The following TNIK variants were observed in gnomAD, a reference collection of about 807,000 sequenced individuals.
TNIK encodes TRAF2 and NCK-interacting protein kinase.
A neutral mutation model predicts 191.3 loss-of-function variants in TNIK; 49 were observed. The ratio of observed to expected loss-of-function variants is 0.26; its 90% CI spans 0.20 to 0.32. The LOEUF is 0.32. TNIK is among the 10% of genes least tolerant of loss of function. The probability of loss-of-function intolerance (pLI) is 1.00; values close to 1 mark genes in which losing one functional copy is unlikely to be tolerated. For missense variants in TNIK, 1,155 were observed against 1,702.3 expected (o/e 0.68, Z 5.66); for synonymous variants, 594 against 600.9 (o/e 0.99, Z 0.17).
intron 1 of TNIK, among the ~76,000 whole-genome samples, chr3:171,415,231 A>T (rs551001982): frequency 6.6e-6 from 1 of 152,132 alleles, no homozygotes; most frequent in African/African-American, 2.4e-5. Flanking sequence ...CTTATTAACA[A>T]CCCCAGACGC....
intron 28 of TNIK, among the ~76,000 whole-genome samples, chr3:171,075,451 T>A (rs1274988827): frequency 6.6e-6 from 1 of 152,160 alleles, no homozygotes; most frequent in Non-Finnish European, 1.5e-5. Flanking sequence ...TTCCAGGGTA[T>A]CCCTATTAGA....
chr3:171,426,865 G>A (rs1274176215), intron 1 of TNIK, among the ~76,000 whole-genome samples: 3 of 152,278 alleles, frequency 2.0e-5, no homozygotes, highest in East Asian at 1.9e-4. Flanking sequence ...TGAAGAGCGA[G>A]ATTCAGGTGT....
chr3:171,399,091 T>C (rs1720594770), intron 1 of TNIK, among the ~76,000 whole-genome samples: 1 of 152,234 alleles, frequency 6.6e-6, no homozygotes, highest in African/African-American at 2.4e-5. Flanking sequence ...AAATTGTAGG[T>C]GCTCCATTGC....
intron 4 of TNIK, among the ~76,000 whole-genome samples, chr3:171,208,335 T>C (rs1338742268): frequency 6.6e-6 from 1 of 151,050 alleles, no homozygotes; most frequent in East Asian, 1.9e-4. Flanking sequence ...AAAAATGTAC[T>C]GAAGAGAAAG....
chr3:171,179,626 T>G (rs1235437758), intron 7 of TNIK, among the ~76,000 whole-genome samples: 1 of 152,062 alleles, frequency 6.6e-6, no homozygotes, highest in Admixed American at 6.6e-5. Flanking sequence ...TAATTTTTTG[T>G]GTTTTTAGTA....
chr3:171,237,710 C>T (rs944399698), intron 2 of TNIK, among the ~76,000 whole-genome samples: 1 of 152,060 alleles, frequency 6.6e-6, no homozygotes, highest in Admixed American at 6.5e-5. Context: ...TCACTTGCAG[C>T]CAGGAACTCG....
intron 22 of TNIK, among the ~76,000 whole-genome samples, chr3:171,094,425 C>G (rs879922673): frequency 6.6e-6 from 1 of 152,132 alleles, no homozygotes; most frequent in Non-Finnish European, 1.5e-5. Flanking sequence ...CGTGAGCCAC[C>G]GCGCCCTGCC....
At chr3:171,388,857 A>C (rs1373864227) in intron 1 of TNIK, among the ~76,000 whole-genome samples, 1 of 151,920 alleles carries the variant, frequency 6.6e-6, no homozygotes, top group African/African-American at 2.4e-5. Flanking sequence ...GCCTAACTCC[A>C]CCTCTAGACT....
At chr3:171,448,594 A>G (rs1368432448) in intron 1 of TNIK, among the ~76,000 whole-genome samples, 4 of 142,984 alleles carry the variant, frequency 2.8e-5, no homozygotes, top group African/African-American at 1.1e-4. Context: ...TTTTGCATGA[A>G]TACGTCCTTA....
chr3:171,451,751 C>A (rs139396671), intron 1 of TNIK, among the ~76,000 whole-genome samples: 1 of 152,130 alleles, frequency 6.6e-6, no homozygotes, highest in African/African-American at 2.4e-5. Flanking sequence ...AGAAACCATG[C>A]CAATGTTGTC....
chr3:171,138,163 C>T (rs1730301655), intron 15 of TNIK, 28 bp downstream of exon 15: 3 of 1,528,380 alleles, frequency 2.0e-6, no homozygotes. Context: ...GCCTGGCCAA[C>T]AGGGTGAGGC....
rs1735096312 is a variant in TNIK at position 171,170,129 on chromosome 3, GA to G, written c.774-2860del. 1.3e-5 allele frequency among the ~76,000 whole-genome samples: 2 copies of G among 152,186 alleles called. 1 individual carries two copies. Among genetic ancestry groups the G allele is most frequent in the African/African-American group, 4.8e-5 (2 of 41,440 alleles). On this transcript the variant is annotated intron_variant, in intron 9 of 32. Coordinates refer to ENST00000436636, the MANE Select transcript of TNIK (RefSeq NM_015028.4). ...TAACTTTATTGCTTGAATCTCTGCT[GA>G]TAGTAATGTAGTTCTGTCTCTTATA...
At chr3:171,250,068 T>G (rs1042878092) in intron 2 of TNIK, among the ~76,000 whole-genome samples, 1 of 152,266 alleles carries the variant, frequency 6.6e-6, no homozygotes, top group Admixed American at 6.5e-5. Flanking sequence ...GATGCCTGCA[T>G]GCTTCTGCCT....
chr3:171,067,654 A>G (rs1007378452), intron 30 of TNIK, among the ~76,000 whole-genome samples: 2 of 150,650 alleles, frequency 1.3e-5, no homozygotes, highest in African/African-American at 4.9e-5. Context: ...CTTGGGTGAC[A>G]GAGCGAGACT....
At chr3:171,423,501 C>G (rs1724094480) in intron 1 of TNIK, among the ~76,000 whole-genome samples, 1 of 152,016 alleles carries the variant, frequency 6.6e-6, no homozygotes, top group South Asian at 2.1e-4. Flanking sequence ...TCACATGGAA[C>G]CAAAAAAGAG....
At chr3:171,147,064 C>T (rs189053062) in intron 12 of TNIK, among the ~76,000 whole-genome samples, 7 of 152,246 alleles carry the variant, frequency 4.6e-5, no homozygotes, top group Non-Finnish European at 1.5e-5. Context: ...TCTAACCATT[C>T]AGAGTGAAAC....
chr3:171,166,878 G>C (rs1002063832), intron 10 of TNIK, among the ~76,000 whole-genome samples: 1 of 152,154 alleles, frequency 6.6e-6, no homozygotes, highest in Non-Finnish European at 1.5e-5. Context: ...CCTGGCAGAG[G>C]TAATGTTTCT....
chr3:171,169,271 T>C (rs1734994129), intron 9 of TNIK, among the ~76,000 whole-genome samples: 1 of 151,966 alleles, frequency 6.6e-6, no homozygotes, highest in South Asian at 2.1e-4. Flanking sequence ...TTTATTATCA[T>C]TATTTTTTTT....
chr3:171,140,745 C>T (rs148219837), intron 12 of TNIK, among the ~76,000 whole-genome samples: 1 of 152,256 alleles, frequency 6.6e-6, no homozygotes, highest in African/African-American at 2.4e-5. Context: ...TAGACTCTCA[C>T]CAAGACGTTC....
Sources: gnomAD v4.1 joint callset for allele counts (sites outside exome capture counted in the v4.1 genomes callset) on GRCh38, gnomAD v4.1.1 for gene constraint, MANE v1.5 for transcripts, NCBI Gene and HGNC (gene_info 2026-07-23, HGNC 2026-07-21) for gene names.